Variants in RALY observed in about 807,000 individuals in gnomAD.
RALY encodes the protein RNA-binding protein Raly.
Under a neutral mutation model 30.7 loss-of-function variants are expected in RALY, and 15 were observed. That is an observed-to-expected ratio of 0.49 (90% CI 0.33 to 0.75). The LOEUF (loss-of-function observed/expected upper bound fraction) is 0.75, where lower values mean the gene tolerates loss of function less well. Ranked by LOEUF, RALY falls within the 30% of genes least tolerant of loss-of-function variation. The pLI is 0.02. For synonymous variants in RALY, 177 were observed against 170.8 expected (o/e 1.04, Z -0.28); for missense variants, 339 against 414.3 (o/e 0.82, Z 1.58).
chr20:34,061,584 A>G (rs754643335), intron 2 of RALY, among the ~76,000 whole-genome samples: 15 of 152,224 alleles, frequency 9.9e-5, no homozygotes, highest in Non-Finnish European at 1.8e-4. Flanking sequence ...AGTTAGTGTG[A>G]CAGTGTGAAA....
intron 2 of RALY, among the ~76,000 whole-genome samples, chr20:34,048,878 C>G (rs915185596): frequency 1.7e-5 from 2 of 119,418 alleles, no homozygotes; most frequent in African/African-American, 2.9e-5. Context: ...AAAATTTTCT[C>G]TGCATCACCT....
At chr20:34,011,133 T>C (rs2031383636) in intron 1 of RALY, among the ~76,000 whole-genome samples, 1 of 152,184 alleles carries the variant, frequency 6.6e-6, no homozygotes, top group Non-Finnish European at 1.5e-5. Context: ...GTATACTTAT[T>C]TTTTCAGAGT....
chr20:34,010,363 G>A (rs1022826704), intron 1 of RALY, among the ~76,000 whole-genome samples: 4 of 152,026 alleles, frequency 2.6e-5, no homozygotes, highest in African/African-American at 9.7e-5. Flanking sequence ...TGAGTAGCTG[G>A]GACTACAGGC....
intron 2 of RALY, among the ~76,000 whole-genome samples, chr20:34,041,194 G>T (rs1048756347): frequency 6.6e-6 from 1 of 152,158 alleles, no homozygotes; most frequent in Non-Finnish European, 1.5e-5. Context: ...CTACTTGTAT[G>T]ACCAACTCCA....
At chr20:34,043,175 C>A (rs1241747855) in intron 2 of RALY, among the ~76,000 whole-genome samples, 1 of 152,212 alleles carries the variant, frequency 6.6e-6, no homozygotes, top group Admixed American at 6.5e-5. Flanking sequence ...CTTTGCTAAT[C>A]CTAGACTTGC....
chr20:34,039,111 A>G (rs2123126226), intron 2 of RALY, among the ~76,000 whole-genome samples: 1 of 152,260 alleles, frequency 6.6e-6, no homozygotes, highest in South Asian at 2.1e-4. Flanking sequence ...GTCCAAGGAG[A>G]TTAAAGAGTC....
At chr20:34,021,820 C>T (rs962383211) in intron 1 of RALY, among the ~76,000 whole-genome samples, 29 of 152,126 alleles carry the variant, frequency 1.9e-4, no homozygotes, top group Admixed American at 1.7e-3. Context: ...AGATCTTCCT[C>T]AGGAGACGGA....
At chr20:34,047,464 C>T (rs992440434) in intron 2 of RALY, among the ~76,000 whole-genome samples, 1 of 152,200 alleles carries the variant, frequency 6.6e-6, no homozygotes, top group Admixed American at 6.5e-5. Flanking sequence ...TGCGCAGCCA[C>T]TCTTGCATGT....
chr20:34,067,381 G>C (rs1410088832), intron 2 of RALY, among the ~76,000 whole-genome samples: 1 of 151,790 alleles, frequency 6.6e-6, no homozygotes, highest in Non-Finnish European at 1.5e-5. Flanking sequence ...AGCTAGGCTG[G>C]TCCTGAACTC....
intron 9 of RALY, among the ~76,000 whole-genome samples, chr20:34,079,063 C>G (rs945955765): frequency 5.9e-5 from 9 of 152,244 alleles, no homozygotes; most frequent in Admixed American, 5.9e-4. Flanking sequence ...CAGTGCCCCC[C>G]TAGTTGGTAG....
intron 2 of RALY, among the ~76,000 whole-genome samples, chr20:34,034,019 A>T (rs867123700): frequency 9.2e-5 from 14 of 152,214 alleles, no homozygotes; most frequent in African/African-American, 3.4e-4. Flanking sequence ...GAGTGCACTC[A>T]TGAACCGTGG....
intron 1 of RALY, among the ~76,000 whole-genome samples, chr20:33,998,932 G>A (rs1191691370): frequency 6.6e-6 from 1 of 151,874 alleles, no homozygotes; most frequent in African/African-American, 2.4e-5. Flanking sequence ...TTTGAGACTA[G>A]CCTGGCCAAC....
At chr20:34,003,679 G>A (rs1203495073) in intron 1 of RALY, among the ~76,000 whole-genome samples, 7 of 129,046 alleles carry the variant, frequency 5.4e-5, no homozygotes, top group Admixed American at 9.1e-5. Context: ...TCGCTCTGTC[G>A]CCCAGGCTGG....
At chr20:34,008,561 C>G (rs541514553) in intron 1 of RALY, among the ~76,000 whole-genome samples, 159 of 152,336 alleles carry the variant, frequency 1.0e-3, no homozygotes, top group African/African-American at 3.7e-3. Flanking sequence ...TGTTCCAGAT[C>G]TGTTCAGTCT....
At position 34,040,093 on chromosome 20, in the gene RALY, AGAGT is replaced by A. The variant is rs576459064; in HGVS notation, c.-10+8493_-10+8496del. On this transcript the variant is annotated intron_variant, in intron 2 of 9. Transcript: ENST00000246194. ...ACCACTGCACTCCAGCCTGGGCGAC[AGAGT>A]GAGACCCCATCTCAAAAAAAAAAAA... Among the ~76,000 whole-genome samples the A allele has an allele frequency of 1.1e-4, 17 of 152,132 alleles. No individual in the cohort carries two copies. The South Asian group carries it at 3.5e-3, about 32-fold the overall frequency.
At chr20:34,045,006 C>G (rs1344713381) in intron 2 of RALY, among the ~76,000 whole-genome samples, 1 of 151,834 alleles carries the variant, frequency 6.6e-6, no homozygotes, top group Non-Finnish European at 1.5e-5. Context: ...TTGACCTGAG[C>G]TTAAGCAATC....
chr20:34,042,916 AC>A (rs1363693884), intron 2 of RALY, among the ~76,000 whole-genome samples: 3 of 152,242 alleles, frequency 2.0e-5, no homozygotes, highest in African/African-American at 7.2e-5. Context: ...GTCTAACATG[AC>A]TTTTAAGTGG....
At chr20:34,073,760 TGGAA>T in intron 4 of RALY, 55 bp from the exon 5 acceptor site, 1 of 1,583,332 alleles carries the variant, frequency 6.3e-7, no homozygotes, top group South Asian at 1.1e-5. Context: ...TGAGGGCCTG[TGGAA>T]AGTGGGCTGA....
At chr20:34,051,635 G>A (rs998286393) in intron 2 of RALY, among the ~76,000 whole-genome samples, 1 of 151,900 alleles carries the variant, frequency 6.6e-6, no homozygotes, top group Non-Finnish European at 1.5e-5. Flanking sequence ...TCGCTCTGTT[G>A]CCCAGGCTGG....
Sources: gnomAD v4.1 joint callset for allele counts (sites outside exome capture counted in the v4.1 genomes callset) on GRCh38, gnomAD v4.1.1 for gene constraint, MANE v1.5 for transcripts, NCBI Gene and HGNC (gene_info 2026-07-23, HGNC 2026-07-21) for gene names.